The following PARD3B variants were observed in gnomAD, a reference collection of about 807,000 sequenced individuals.
PARD3B encodes the protein par-3 family cell polarity regulator beta, also known as partitioning defective 3 homolog B.
PARD3B carries 103 observed loss-of-function variants against 130.2 expected under a neutral mutation model. The observed-to-expected ratio is 0.79, with a 90% CI of 0.67 to 0.93. The LOEUF is 0.93. PARD3B is among the 40% of genes least tolerant of loss of function. The pLI is 0.00. For synonymous variants in PARD3B, 583 were observed against 553.2 expected, an observed-to-expected ratio of 1.05 and a Z score of -0.76; for missense variants, 1,609 against 1,499.2, an observed-to-expected ratio of 1.07 and a Z score of -1.21.
intron 2 of PARD3B, among the ~76,000 whole-genome samples, chr2:204,790,581 G>C (rs1198414779): frequency 6.6e-6 from 1 of 152,142 alleles, no homozygotes; most frequent in Admixed American, 6.5e-5. Flanking sequence ...ATGTGGAGTT[G>C]ACACCACCTG....
At chr2:205,174,545 TC>T (rs1489751934) in intron 12 of PARD3B, among the ~76,000 whole-genome samples, 2 of 152,200 alleles carry the variant, frequency 1.3e-5, no homozygotes, top group African/African-American at 4.8e-5. Flanking sequence ...TTTCACTGTG[TC>T]AGAGCATATT....
intron 18 of PARD3B, among the ~76,000 whole-genome samples, chr2:205,370,250 G>A (rs2044760052): frequency 6.6e-6 from 1 of 152,114 alleles, no homozygotes; most frequent in Non-Finnish European, 1.5e-5. Context: ...TCATGATAAG[G>A]CAACCAAGTT....
At chr2:205,489,239 TATG>T (rs1297387100) in intron 20 of PARD3B, among the ~76,000 whole-genome samples, 1 of 152,024 alleles carries the variant, frequency 6.6e-6, no homozygotes, top group Non-Finnish European at 1.5e-5. Context: ...CTTGAGACAA[TATG>T]TATCACACAC....
At chr2:205,348,202 T>C (rs745963457) in intron 18 of PARD3B, 1 of 152,230 alleles carries the variant, frequency 6.6e-6, no homozygotes, top group Non-Finnish European at 1.5e-5. Flanking sequence ...GTGAGCTCTA[T>C]TTGCATTCCT....
chr2:205,490,170 A>C lies in PARD3B; in HGVS notation c.3045-9726A>C, dbSNP rs182984033. Among the ~76,000 whole-genome samples the C allele has an allele frequency of 2.6e-5, 4 of 152,000 alleles. 1 individual carries two copies. In the South Asian group the frequency reaches 6.2e-4, roughly 24 times the overall value. On this transcript the variant is annotated intron_variant, in intron 20 of 22. Transcript: ENST00000406610. ...GGTACATGTGCACAACGTGCAGGTT[A>C]GTTACATATGTATACATGTGCCATG...
At chr2:205,248,449 T>C (rs1204674142) in intron 16 of PARD3B, among the ~76,000 whole-genome samples, 1 of 150,260 alleles carries the variant, frequency 6.7e-6, no homozygotes, top group Non-Finnish European at 1.5e-5. Context: ...TTAAGGGTTC[T>C]CTTGATTCTA....
At chr2:204,775,629 G>C (rs1337470140) in intron 2 of PARD3B, among the ~76,000 whole-genome samples, 2 of 152,136 alleles carry the variant, frequency 1.3e-5, no homozygotes. Flanking sequence ...CATTTTCTCT[G>C]TCATAATACA....
chr2:204,790,632 C>T (rs2042167394), intron 2 of PARD3B, among the ~76,000 whole-genome samples: 1 of 152,108 alleles, frequency 6.6e-6, no homozygotes, highest in African/African-American at 2.4e-5. Context: ...ATTTAGTAGA[C>T]CCGTATGGAT....
At chr2:205,364,385 A>G (rs2668149) in intron 18 of PARD3B, among the ~76,000 whole-genome samples, 133,632 of 151,830 alleles carry the variant, frequency 0.88, 58,984 homozygotes, top group Admixed American at 0.93. Flanking sequence ...GTCCCCTATT[A>G]CTCAAGCCTA....
intron 2 of PARD3B, among the ~76,000 whole-genome samples, chr2:204,708,293 C>T (rs1481231519): frequency 3.9e-5 from 6 of 152,010 alleles, no homozygotes; most frequent in African/African-American, 9.7e-5. Context: ...ACATTGTGCC[C>T]AGCTGGAGAC....
chr2:205,018,558 T>C (rs2125325728), intron 3 of PARD3B, among the ~76,000 whole-genome samples: 1 of 152,128 alleles, frequency 6.6e-6, no homozygotes, highest in African/African-American at 2.4e-5. Context: ...AAACATTTGA[T>C]TTCAAATGCT....
At chr2:205,165,209 AG>A (rs2034737289) in intron 11 of PARD3B, among the ~76,000 whole-genome samples, 1 of 152,334 alleles carries the variant, frequency 6.6e-6, no homozygotes, top group Admixed American at 6.5e-5. Context: ...GGAAGGAGAT[AG>A]GAAAGGATGG....
At chr2:205,365,886 G>C (rs947563924) in intron 18 of PARD3B, among the ~76,000 whole-genome samples, 2 of 152,160 alleles carry the variant, frequency 1.3e-5, no homozygotes, top group African/African-American at 4.8e-5. Context: ...GAATCACAGG[G>C]TGCCAATTCA....
intron 3 of PARD3B, among the ~76,000 whole-genome samples, chr2:204,985,950 A>C (rs970684111): frequency 5.3e-5 from 8 of 151,818 alleles, no homozygotes; most frequent in African/African-American, 1.9e-4. Context: ...AAATACAAAA[A>C]GTTAGCCGGG....
At chr2:204,613,623 T>C (rs1269015518) in intron 1 of PARD3B, among the ~76,000 whole-genome samples, 1 of 152,092 alleles carries the variant, frequency 6.6e-6, no homozygotes, top group Non-Finnish European at 1.5e-5. Flanking sequence ...TGTCTTTTTG[T>C]TGTATTCTCT....
At chr2:205,083,389 TAAAC>T (rs773326777) in intron 4 of PARD3B, among the ~76,000 whole-genome samples, 12 of 151,832 alleles carry the variant, frequency 7.9e-5, no homozygotes, top group Non-Finnish European at 1.2e-4. Context: ...CATCTAGTCT[TAAAC>T]TAAGTAAGAA....
intron 2 of PARD3B, among the ~76,000 whole-genome samples, chr2:204,934,592 G>C (rs1458685857): frequency 6.6e-6 from 1 of 152,006 alleles, no homozygotes; most frequent in Non-Finnish European, 1.5e-5. Flanking sequence ...AGGCTTTTAA[G>C]GCTCATGCAT....
chr2:205,330,372 A>T (rs923211917), intron 18 of PARD3B, among the ~76,000 whole-genome samples: 6 of 152,168 alleles, frequency 3.9e-5, no homozygotes, highest in African/African-American at 1.4e-4. Flanking sequence ...TAAAAATTTT[A>T]TGAAAATACT....
rs147008902 is a variant in PARD3B, at chr2:205,439,533, G to GTT, written c.2742-836_2742-835insTT. On this transcript the variant is annotated intron_variant, in intron 19 of 22. Transcript: ENST00000406610. ...TGATTTAACACTTTCCAGATTAAAT[G>GTT]TCAAATTCTCAAAATTCAGATGGAT... is the stretch of plus-strand genomic sequence containing the variant. 8.1e-3 allele frequency among the ~76,000 whole-genome samples: 1,230 copies of GTT among 152,266 alleles called. 15 individuals are homozygous for GTT. The highest frequency in any genetic ancestry group is 0.026 in the African/African-American group (1,068 of 41,542).
Sources: allele counts gnomAD v4.1 joint callset (sites outside exome capture counted in the v4.1 genomes callset), GRCh38; gene constraint gnomAD v4.1.1; transcripts MANE v1.5; gene names NCBI Gene and HGNC (gene_info 2026-07-23, HGNC 2026-07-21).